Variants in STC1 observed in about 807,000 individuals in gnomAD.
The protein encoded by STC1 is stanniocalcin-1.
Under a neutral mutation model 22.6 loss-of-function variants are expected in STC1, and 7 were observed. That is an observed-to-expected ratio of 0.31 (90% CI 0.18 to 0.58). STC1 has a LOEUF of 0.58. Among genes scored for constraint, STC1 ranks in the 20% least tolerant of loss-of-function variants. The pLI is 0.89. For missense variants in STC1, 224 were observed against 311.0 expected (o/e 0.72, Z 2.10); for synonymous variants, 113 against 120.7 (o/e 0.94, Z 0.42).
intron 1 of STC1, 53 bp downstream of exon 1, chr8:23,854,353 G>A (rs1802673130): frequency 2.7e-6 from 4 of 1,484,740 alleles, no homozygotes; most frequent in Admixed American, 3.4e-5. Flanking sequence ...AAAGGGAGAG[G>A]CAAATGAGGA....
intron 1 of STC1, 151 bp from the exon 2 acceptor site, chr8:23,852,535 T>C (rs1383243029): frequency 1.4e-5 from 11 of 783,134 alleles, no homozygotes; most frequent in Non-Finnish European, 2.0e-6. Context: ...ACCCATTTGA[T>C]TGAGAAAGAG....
At chr8:23,854,359 G>A (rs370894357) in intron 1 of STC1, 47 bp downstream of exon 1, 12 of 1,528,032 alleles carry the variant, frequency 7.9e-6, no homozygotes, top group Non-Finnish European at 1.8e-6. Flanking sequence ...AGAGGCAAAT[G>A]AGGACAGCTC....
rs190346193 is a variant in STC1, at chr8:23,851,678, G to A, written c.262-147C>T. 163 of 646,214 alleles carry A rather than the reference G, an allele frequency of 2.5e-4. 1 individual carries two copies. The East Asian group carries it at 3.5e-3, about 14-fold the overall frequency. 40.0% of individuals were successfully genotyped at this position (646,214 alleles called of 1,614,324 possible). ...TTGCAATGAGAAGATTGCATGTCTC[G>A]GCTAAGGATTGAAAAAAAAAAAAGC... On this transcript the variant is annotated intron_variant, in intron 2 of 3. Transcript: ENST00000290271.
intron 3 of STC1, among the ~76,000 whole-genome samples, chr8:23,848,801 T>G (rs1478375607): frequency 6.6e-6 from 1 of 152,132 alleles, no homozygotes; most frequent in Non-Finnish European, 1.5e-5. Context: ...AGGAACGTTC[T>G]GTGTGAGGGT....
intron 3 of STC1, 114 bp from the exon 4 acceptor site, chr8:23,845,154 A>G: frequency 1.8e-6 from 2 of 1,112,192 alleles, no homozygotes; most frequent in Non-Finnish European, 2.6e-6. Context: ...CCATGCAAAC[A>G]TCAATAGTTC....
intron 3 of STC1, among the ~76,000 whole-genome samples, chr8:23,846,227 C>T (rs977030327): frequency 3.9e-5 from 6 of 152,174 alleles, no homozygotes; most frequent in Admixed American, 6.5e-5. Flanking sequence ...TGTAGCTAAG[C>T]TTTGTGGCTC....
intron 3 of STC1, among the ~76,000 whole-genome samples, chr8:23,848,478 ACTGAGAT>A (rs1435442869): frequency 1.4e-5 from 2 of 145,978 alleles, no homozygotes; most frequent in African/African-American, 5.1e-5. Flanking sequence ...GTTGCAGTGA[ACTGAGAT>A]CTCACCACTG....
At position 23,844,528 on chromosome 8, in the gene STC1, A is replaced by C. The variant is rs1802548280; in HGVS notation, c.*242T>G. 1.9e-6 allele frequency: 1 copy of C among 537,740 alleles called. No individual in the cohort carries two copies. The highest frequency in any genetic ancestry group is 1.9e-5 in the African/African-American group (1 of 52,844). 33.3% of individuals were successfully genotyped at this position (537,740 alleles called of 1,614,324 possible). A position where few individuals can be genotyped will look rare whatever the true frequency, so the allele number is the denominator to read the frequency against. ...ACATGGCAGAGGAAGTTGGTAAAAG[A>C]GGGTACTTTCTCCTGAGGAGAGGCA... is the stretch of plus-strand genomic sequence containing the variant. On this transcript the variant is annotated 3_prime_UTR_variant, in exon 4 of 4. Transcript: ENST00000290271.
rs1317503356 is a variant in STC1, at chr8:23,854,464, C to T, written c.60G>A (p.Glu20=). 6.8e-6 allele frequency: 11 copies of T among 1,614,004 alleles called. No homozygotes were observed. The highest frequency in any genetic ancestry group is 1.3e-5 in the African/African-American group (1 of 74,900). Residue 20 remains glutamate, a synonymous_variant, in exon 1 of 4, where the codon GAG becomes GAA. Coordinates refer to ENST00000290271, the MANE Select transcript of STC1 (RefSeq NM_003155.3). ...GGCTCACAGAGTCATTCTGCTCCGCCTCATGGGTTGCAGAAGCACTGATCA... is the reference window on the plus strand; with the variant it reads ...GGCTCACAGAGTCATTCTGCTCCGCTTCATGGGTTGCAGAAGCACTGATCA... ...VLVISASATH[E]AEQNDSVSPR...
intron 3 of STC1, among the ~76,000 whole-genome samples, chr8:23,848,399 G>A (rs1585306326): frequency 2.0e-5 from 3 of 152,052 alleles, no homozygotes; most frequent in South Asian, 4.2e-4. Flanking sequence ...GGGCGTGGTG[G>A]TGAGTGCTTG....
rs533451357 is a variant in STC1, at chr8:23,854,747, C to T, written c.-224G>A. 4.5e-4 allele frequency: 288 copies of T among 643,646 alleles called. 2 individuals carry two copies. The highest frequency in any genetic ancestry group is 4.3e-3 in the African/African-American group (234 of 55,054). 39.9% of individuals were successfully genotyped at this position (643,646 alleles called of 1,614,324 possible). ...CCGCCGCTGCTGCTGCTGCTGCCAC[C>T]GCCGCTGCTGCTGCTGCTGCTGCAG... On this transcript the variant is annotated 5_prime_UTR_variant, in exon 1 of 4. Transcript: ENST00000290271.
intron 3 of STC1, among the ~76,000 whole-genome samples, chr8:23,848,529 CAAAAAAAAAA>C (rs796433655): frequency 4.7e-5 from 3 of 63,628 alleles, no homozygotes; most frequent in African/African-American, 1.7e-4. Context: ...GATACTCTGT[CAAAAAAAAAA>C]AAAAAAAAAA....
intron 3 of STC1, among the ~76,000 whole-genome samples, chr8:23,849,280 A>G (rs11779426): frequency 0.065 from 9,838 of 152,308 alleles, 467 homozygotes; most frequent in Admixed American, 0.12. Context: ...AGCAGCTTCA[A>G]TGGAGCAAAG....
chr8:23,854,071 G>C, intron 1 of STC1: 1 of 1,133,734 alleles, frequency 8.8e-7, no homozygotes, highest in South Asian at 2.6e-5. Flanking sequence ...GGAAAGTATA[G>C]AGAGCGCTTT....
intron 1 of STC1, among the ~76,000 whole-genome samples, chr8:23,853,299 C>A (rs1361332553): frequency 6.6e-6 from 1 of 152,032 alleles, no homozygotes; most frequent in African/African-American, 2.4e-5. Context: ...GTCTTCCCCA[C>A]CCCCTCCCAC....
intron 3 of STC1, among the ~76,000 whole-genome samples, chr8:23,848,048 C>T (rs1468188966): frequency 6.6e-6 from 1 of 152,222 alleles, no homozygotes. Context: ...GGTCACTCCA[C>T]TCTCTGAGCC....
rs1478225767 is a variant in STC1, at chr8:23,842,453, G to A, written c.*2317C>T. ...ATAGATATCATCGTGGGGAGAAAAG[G>A]GGGGGTACCACGGTTTGAAGAGGTC... On this transcript the variant is annotated 3_prime_UTR_variant, in exon 4 of 4. Transcript: ENST00000290271. 1 of 145,154 alleles carries A rather than the reference G, an allele frequency of 6.9e-6. No homozygotes were observed. Among genetic ancestry groups the A allele is most frequent in the East Asian group, 2.0e-4 (1 of 5,022 alleles). The allele number at this position is 145,154 out of a possible 1,614,324, so 9.0% of individuals were successfully genotyped here.
Position 23,854,721 on chromosome 8 carries a change from G to A in STC1, c.-198C>T, listed in dbSNP as rs542439902. ...CGGTGCCTCCGCTGCTGCTGCTGCT[G>A]CCGCCGCTGCTGCTGCTGCTGCCAC... On this transcript the variant is annotated 5_prime_UTR_variant, in exon 1 of 4. Coordinates refer to ENST00000290271, the MANE Select transcript of STC1 (RefSeq NM_003155.3). The A allele has an allele frequency of 3.0e-6, 2 of 669,776 alleles. No homozygotes were observed. Among genetic ancestry groups the A allele is most frequent in the African/African-American group, 1.8e-5 (1 of 55,520 alleles). 41.5% of individuals were successfully genotyped at this position (669,776 alleles called of 1,614,324 possible).
chr8:23,854,731 C>A lies in STC1; in HGVS notation c.-208G>T. The A allele has an allele frequency of 1.5e-6, 1 of 658,166 alleles. No individual in the cohort carries two copies. The allele number at this position is 658,166 out of a possible 1,614,324, so 40.8% of individuals were successfully genotyped here. On this transcript the variant is annotated 5_prime_UTR_variant, in exon 1 of 4. Transcript: ENST00000290271. The stretch of plus-strand genomic sequence containing the variant: ...GCTGCTGCTGCTGCTGCCGCCGCTG[C>A]TGCTGCTGCTGCCACCGCCGCTGCT...
Sources: allele counts gnomAD v4.1 joint callset (sites outside exome capture counted in the v4.1 genomes callset), GRCh38; gene constraint gnomAD v4.1.1; transcripts MANE v1.5; gene names NCBI Gene and HGNC (gene_info 2026-07-23, HGNC 2026-07-21).